The following DISC1 variants were observed in gnomAD, a reference collection of about 807,000 sequenced individuals.
The protein encoded by DISC1 is disrupted in schizophrenia 1 protein.
In DISC1, 57 loss-of-function variants were observed where a neutral mutation model predicts 84.5. The observed-to-expected ratio is 0.67, with a 90% CI of 0.55 to 0.84. The LOEUF (loss-of-function observed/expected upper bound fraction) is 0.84. Among genes scored for constraint, DISC1 ranks in the 40% least tolerant of loss-of-function variants. The pLI, the probability that DISC1 is intolerant of heterozygous loss-of-function variation, is 0.00. For synonymous variants in DISC1, 411 were observed against 415.2 expected, an observed-to-expected ratio of 0.99 and a Z score of 0.12; for missense variants, 1,000 against 1,057.8, an observed-to-expected ratio of 0.95 and a Z score of 0.76.
At position 231,701,970 on chromosome 1, in the gene DISC1, T is replaced by A. The variant is rs1452642173; in HGVS notation, c.1063T>A (p.Leu355Ile). Residue 355 changes from leucine to isoleucine, a missense_variant, in exon 3 of 13, where the codon TTA becomes ATA. Leu to Ile is a conservative substitution (Grantham distance 5, BLOSUM62 2). Coordinates refer to ENST00000439617, the MANE Select transcript of DISC1 (RefSeq NM_018662.3). ...ACCAACATAGGTAATATCCTTAAGA[T>A]TAAAACTTCAGAAACTTCAGGAAGA... The part of the protein sequence containing the change: ...RRQMEVISLR[L>I]KLQKLQEDAV... 1 of 1,605,508 alleles carries A rather than the reference T, an allele frequency of 6.2e-7. No homozygotes were observed. The highest frequency in any genetic ancestry group is 8.5e-7 in the Non-Finnish European group (1 of 1,175,834).
At chr1:231,955,001 C>CTGGTGCTTCAGACACTGAGATGAGGCA (rs1194517236) in intron 9 of DISC1, among the ~76,000 whole-genome samples, 1 of 152,206 alleles carries the variant, frequency 6.6e-6, no homozygotes, top group Non-Finnish European at 1.5e-5. Context: ...GTGTCACCAA[C>CTGGTGCTTCAGACACTGAGATGAGGCA]TGGTGCTTCA....
chr1:231,665,064 G>T (rs1302337335), intron 1 of DISC1, among the ~76,000 whole-genome samples: 1 of 152,140 alleles, frequency 6.6e-6, no homozygotes, highest in Admixed American at 6.5e-5. Context: ...ATCCTTTGCA[G>T]TGGAGAGAAA....
rs1158813267 is a variant in DISC1, at chr1:231,826,114, T to C, written c.1981+7597T>C. Among the ~76,000 whole-genome samples, 1 of 152,218 alleles carries C rather than the reference T, an allele frequency of 6.6e-6. No homozygotes were observed. Among genetic ancestry groups the C allele is most frequent in the Non-Finnish European group, 1.5e-5 (1 of 68,034 alleles). On this transcript the variant is annotated intron_variant, in intron 9 of 12. Coordinates refer to ENST00000439617, the MANE Select transcript of DISC1 (RefSeq NM_018662.3). The surrounding 1 kb of genome is among the most constrained non-coding windows in gnomAD (Gnocchi z 4.2). ...CACTGTGCTAAGACTTGACATACTT[T>C]AGTCATCTCATCCTCTGGACCACTG...
intron 10 of DISC1, among the ~76,000 whole-genome samples, chr1:231,991,398 T>C (rs1412056426): frequency 1.3e-5 from 2 of 152,240 alleles, no homozygotes; most frequent in Non-Finnish European, 2.9e-5. Context: ...CGAGGAGTGC[T>C]CTCTCCTTGT....
chr1:231,798,057 G>A (rs1159329921), intron 7 of DISC1, among the ~76,000 whole-genome samples: 1 of 150,876 alleles, frequency 6.6e-6, no homozygotes, highest in Non-Finnish European at 1.5e-5. Context: ...GTGACCATGA[G>A]CTGAGACCAA....
intron 1 of DISC1, among the ~76,000 whole-genome samples, chr1:231,637,448 A>G (rs2059294034): frequency 6.6e-6 from 1 of 152,166 alleles, no homozygotes; most frequent in Admixed American, 6.5e-5. Flanking sequence ...CCATCACCCA[A>G]ATAATGTACA....
chr1:231,921,079 T>A (rs1487251250), intron 9 of DISC1, among the ~76,000 whole-genome samples: 2 of 151,868 alleles, frequency 1.3e-5, no homozygotes, highest in Non-Finnish European at 2.9e-5. Flanking sequence ...GCTAATTTTT[T>A]TTTTTTTTTG....
intron 9 of DISC1, among the ~76,000 whole-genome samples, chr1:231,880,210 A>G (rs950570897): frequency 5.9e-5 from 9 of 152,210 alleles, no homozygotes; most frequent in African/African-American, 2.2e-4. Context: ...CCCTCTCACC[A>G]TGTGCTACCT....
chr1:231,765,195 C>CA (rs71179793), intron 4 of DISC1, among the ~76,000 whole-genome samples: 1,236 of 93,216 alleles, frequency 0.013, 22 homozygotes, highest in East Asian at 0.045. Flanking sequence ...GTCCACCCTA[C>CA]AAAAAAAAAA....
At chr1:231,736,552 T>G (rs1161387827) in intron 3 of DISC1, among the ~76,000 whole-genome samples, 5 of 152,224 alleles carry the variant, frequency 3.3e-5, no homozygotes, top group Non-Finnish European at 5.9e-5. Flanking sequence ...AGTGCCCCAA[T>G]CATGGCTGAT....
At chr1:231,778,397 A>G (rs2077123612) in intron 6 of DISC1, among the ~76,000 whole-genome samples, 1 of 152,188 alleles carries the variant, frequency 6.6e-6, no homozygotes, top group South Asian at 2.1e-4. Context: ...AAGCTGCCTA[A>G]AAACCCCTCA....
chr1:232,028,934 A>AG (rs1391663637), intron 12 of DISC1, among the ~76,000 whole-genome samples: 5 of 152,222 alleles, frequency 3.3e-5, no homozygotes, highest in African/African-American at 1.2e-4. Flanking sequence ...GTCGAAAAAA[A>AG]CAAGGCTTGG....
chr1:231,720,826 CG>C (rs2125098529), intron 3 of DISC1: 1 of 1,289,598 alleles, frequency 7.8e-7, no homozygotes, highest in African/African-American at 1.5e-5. Flanking sequence ...AGGTAGGAAA[CG>C]TGTTGTCGTT....
intron 1 of DISC1, among the ~76,000 whole-genome samples, chr1:231,688,364 G>A (rs1422615644): frequency 6.6e-6 from 1 of 152,166 alleles, no homozygotes; most frequent in Non-Finnish European, 1.5e-5. Flanking sequence ...TCCTTCCTTA[G>A]TGCTTCTGAG....
chr1:231,736,501 G>C (rs915044488), intron 3 of DISC1, among the ~76,000 whole-genome samples: 1 of 152,238 alleles, frequency 6.6e-6, no homozygotes, highest in African/African-American at 2.4e-5. Context: ...CTCTGGGCAT[G>C]TAGCAGATGC....
intron 11 of DISC1, among the ~76,000 whole-genome samples, chr1:232,021,658 C>T (rs1183633212): frequency 1.3e-5 from 2 of 152,216 alleles, no homozygotes; most frequent in Admixed American, 6.5e-5. Flanking sequence ...TTTATCCACT[C>T]ATGCGAGGTT....
chr1:231,917,919 A>G (rs1448491971), intron 9 of DISC1, among the ~76,000 whole-genome samples: 1 of 151,896 alleles, frequency 6.6e-6, no homozygotes, highest in South Asian at 2.1e-4. Flanking sequence ...GAGATCTGGA[A>G]AGGCAACTTG....
intron 9 of DISC1, among the ~76,000 whole-genome samples, chr1:231,834,243 A>G (rs1297890820): frequency 6.6e-6 from 1 of 152,072 alleles, no homozygotes; most frequent in Non-Finnish European, 1.5e-5. Flanking sequence ...AGGGTGGAGG[A>G]GTGGAGGCCG....
intron 10 of DISC1, among the ~76,000 whole-genome samples, chr1:231,977,124 G>A (rs960869483): frequency 6.6e-6 from 1 of 152,092 alleles, no homozygotes; most frequent in South Asian, 2.1e-4. Context: ...ATTATAATGA[G>A]CCCCATGTAT....
Sources: allele counts gnomAD v4.1 joint callset (sites outside exome capture counted in the v4.1 genomes callset), GRCh38; gene constraint gnomAD v4.1.1; non-coding constraint Gnocchi (gnomAD v3.1); transcripts MANE v1.5; gene names NCBI Gene and HGNC (gene_info 2026-07-23, HGNC 2026-07-21).